PLPPR1: variants seen among roughly 807,000 people sequenced by gnomAD.
PLPPR1 encodes the protein phospholipid phosphatase related 1.
In PLPPR1, 10 loss-of-function variants were observed where a neutral mutation model predicts 33.1. The observed-to-expected ratio is 0.30, with a 90% CI of 0.19 to 0.51. PLPPR1 has a LOEUF of 0.51. PLPPR1 is among the 20% of genes least tolerant of loss of function. The pLI is 0.97. For synonymous variants in PLPPR1, 151 were observed against 151.0 expected (o/e 1.00, Z 0.00); for missense variants, 304 against 408.1 (o/e 0.74, Z 2.20).
chr9:101,308,523 A>G (rs962739213), intron 4 of PLPPR1, among the ~76,000 whole-genome samples: 5 of 152,232 alleles, frequency 3.3e-5, no homozygotes, highest in African/African-American at 9.6e-5. Context: ...GGTTTGTGGT[A>G]ATTTGTTATA....
chr9:101,277,450 G>T (rs1366542910), intron 3 of PLPPR1, among the ~76,000 whole-genome samples: 1 of 152,176 alleles, frequency 6.6e-6, no homozygotes, highest in African/African-American at 2.4e-5. Flanking sequence ...AGGCCCATGG[G>T]ATTGTAGAAG....
intron 1 of PLPPR1, among the ~76,000 whole-genome samples, chr9:101,096,948 C>T (rs113648258): frequency 2.0e-5 from 3 of 152,066 alleles, no homozygotes; most frequent in African/African-American, 7.2e-5. Context: ...CACCTGTAGT[C>T]CCAGCTACAA....
intron 1 of PLPPR1, among the ~76,000 whole-genome samples, chr9:101,183,936 T>C (rs1214645852): frequency 6.6e-6 from 1 of 151,770 alleles, no homozygotes; most frequent in Admixed American, 6.6e-5. Context: ...TATTTAATTT[T>C]CTTTTCAGAT....
intron 1 of PLPPR1, among the ~76,000 whole-genome samples, chr9:101,118,693 G>C (rs1400544132): frequency 6.6e-6 from 1 of 152,182 alleles, no homozygotes; most frequent in East Asian, 1.9e-4. Context: ...TCAGATTTCT[G>C]TTTTACAAAG....
intron 2 of PLPPR1, among the ~76,000 whole-genome samples, chr9:101,209,089 T>C (rs992215226): frequency 1.3e-5 from 2 of 152,224 alleles, no homozygotes; most frequent in Non-Finnish European, 2.9e-5. Context: ...CTGGGAACTT[T>C]TTAGAAAAGC....
intron 1 of PLPPR1, among the ~76,000 whole-genome samples, chr9:101,064,542 G>C (rs1319870938): frequency 6.6e-6 from 1 of 151,974 alleles, no homozygotes; most frequent in Non-Finnish European, 1.5e-5. Context: ...TGACATTTAG[G>C]ACTTAACCTT....
chr9:101,124,083 C>T (rs1219423621), intron 1 of PLPPR1, among the ~76,000 whole-genome samples: 1 of 152,180 alleles, frequency 6.6e-6, no homozygotes, highest in East Asian at 1.9e-4. Flanking sequence ...ATCATTATTT[C>T]TAGCATAAAA....
intron 2 of PLPPR1, among the ~76,000 whole-genome samples, chr9:101,238,351 G>GTATA (rs1178770788): frequency 1.5e-4 from 20 of 135,318 alleles, no homozygotes; most frequent in South Asian, 9.6e-4. Context: ...ATATAGAGGT[G>GTATA]TATATATATA....
chr9:101,203,364 GA>G (rs963862283), intron 2 of PLPPR1, among the ~76,000 whole-genome samples: 19 of 152,104 alleles, frequency 1.2e-4, no homozygotes, highest in African/African-American at 4.1e-4. Flanking sequence ...CTTAGGGGGG[GA>G]AAAAGACTTT....
chr9:101,260,379 C>T lies in PLPPR1; in HGVS notation c.64-9501C>T, dbSNP rs559726625. Among the ~76,000 whole-genome samples, 17 of 152,162 alleles carry T rather than the reference C, an allele frequency of 1.1e-4. No homozygotes were observed. The East Asian group carries it at 3.3e-3, about 29-fold the overall frequency. Reference sequence around the variant, plus strand: ...GTTGAGATCCCAAAGGCAGCAAAAGCAGGTTGGACAAGATTTCAAAAGTGC... The same window carrying T: ...GTTGAGATCCCAAAGGCAGCAAAAGTAGGTTGGACAAGATTTCAAAAGTGC... On this transcript the variant is annotated intron_variant, in intron 2 of 7. Coordinates refer to ENST00000374874, the MANE Select transcript of PLPPR1 (RefSeq NM_207299.2).
intron 2 of PLPPR1, among the ~76,000 whole-genome samples, chr9:101,259,984 GA>G (rs1296682231): frequency 6.6e-6 from 1 of 152,086 alleles, no homozygotes; most frequent in Non-Finnish European, 1.5e-5. Flanking sequence ...TTTAGAAATG[GA>G]ATGAGAGACA....
At chr9:101,282,507 C>T (rs772141284) in intron 3 of PLPPR1, among the ~76,000 whole-genome samples, 9 of 152,084 alleles carry the variant, frequency 5.9e-5, no homozygotes, top group Non-Finnish European at 1.0e-4. Context: ...TGGAATAAGA[C>T]AAGGGTAACT....
chr9:101,072,294 C>T (rs1418077186), intron 1 of PLPPR1, among the ~76,000 whole-genome samples: 1 of 152,108 alleles, frequency 6.6e-6, no homozygotes, highest in Non-Finnish European at 1.5e-5. Flanking sequence ...GCTTAGCCCT[C>T]CTCTAGGTCT....
chr9:101,181,495 C>T (rs1440031335), intron 1 of PLPPR1, among the ~76,000 whole-genome samples: 1 of 150,604 alleles, frequency 6.6e-6, no homozygotes, highest in Non-Finnish European at 1.5e-5. Context: ...ATCAGTATGC[C>T]AAAAATATTT....
chr9:101,078,690 CAA>C (rs1491487564), intron 1 of PLPPR1, among the ~76,000 whole-genome samples: 1 of 151,726 alleles, frequency 6.6e-6, no homozygotes, highest in East Asian at 1.9e-4. Context: ...GACTCCATCT[CAA>C]AATAAATAAA....
At chr9:101,192,792 T>C (rs1302252518) in intron 2 of PLPPR1, among the ~76,000 whole-genome samples, 1 of 152,296 alleles carries the variant, frequency 6.6e-6, no homozygotes, top group East Asian at 1.9e-4. Context: ...TTAAGGTGGT[T>C]ACTGAATAAG....
chr9:101,276,683 T>C (rs964935772), intron 3 of PLPPR1, among the ~76,000 whole-genome samples: 8 of 152,238 alleles, frequency 5.3e-5, no homozygotes, highest in African/African-American at 9.6e-5. Flanking sequence ...GATAAAAAGA[T>C]ATAAGAGAAC....
intron 2 of PLPPR1, among the ~76,000 whole-genome samples, chr9:101,197,615 A>G (rs1338722155): frequency 6.6e-6 from 1 of 152,224 alleles, no homozygotes; most frequent in Non-Finnish European, 1.5e-5. Flanking sequence ...TTTTGGAACT[A>G]TGTGCCTATC....
chr9:101,159,635 A>C (rs1449634818), intron 1 of PLPPR1, among the ~76,000 whole-genome samples: 1 of 152,222 alleles, frequency 6.6e-6, no homozygotes, highest in Non-Finnish European at 1.5e-5. Context: ...GTAGAACAAA[A>C]GAGAAGGGCT....
Sources: gnomAD v4.1 joint callset for allele counts (sites outside exome capture counted in the v4.1 genomes callset) on GRCh38, gnomAD v4.1.1 for gene constraint, MANE v1.5 for transcripts, NCBI Gene and HGNC (gene_info 2026-07-23, HGNC 2026-07-21) for gene names.